The following CATSPERT variants were observed in gnomAD, a reference collection of about 807,000 sequenced individuals.
The protein encoded by CATSPERT is cation channel sperm-associated targeting subunit tau.
At chr2:201,541,563 AT>A in the CATSPERT span, among the ~76,000 whole-genome samples, 4 of 105,470 alleles carry the variant, frequency 3.8e-5, no homozygotes, top group African/African-American at 7.3e-5. Context: ...ATATATATAT[AT>A]ATATATATAT....
At chr2:201,494,371 G>A in the CATSPERT span, 22 of 1,536,934 alleles carry the variant, frequency 1.4e-5, no homozygotes, top group Admixed American at 1.2e-4. Flanking sequence ...TAAAGACTTC[G>A]AGAGGTGACA....
chr2:201,545,629 C>CAAAAAAAGA, the CATSPERT span: 1 of 143,208 alleles, frequency 7.0e-6, no homozygotes, highest in African/African-American at 5.7e-5. Flanking sequence ...TTCCTAGAAG[C>CAAAAAAAGA]AAAAAAAAAA....
the CATSPERT span, among the ~76,000 whole-genome samples, chr2:201,605,687 A>C: frequency 6.6e-6 from 1 of 152,230 alleles, no homozygotes; most frequent in Admixed American, 6.5e-5. Context: ...AGAAATCTTC[A>C]GATGACAAAA....
At chr2:201,589,564 G>A in the CATSPERT span, among the ~76,000 whole-genome samples, 1 of 152,132 alleles carries the variant, frequency 6.6e-6, no homozygotes, top group Non-Finnish European at 1.5e-5. Context: ...GCAGAAGATT[G>A]AAACTGGACC....
At chr2:201,581,591 T>TATATATATATATAC in the CATSPERT span, among the ~76,000 whole-genome samples, 5 of 45,320 alleles carry the variant, frequency 1.1e-4, no homozygotes, top group Non-Finnish European at 2.0e-4. Context: ...TATATATATA[T>TATATATATATATAC]ATACACATAC....
chr2:201,492,291 AT>A, the CATSPERT span: 14 of 1,534,360 alleles, frequency 9.1e-6, no homozygotes, highest in Non-Finnish European at 1.0e-5. Context: ...GCAAATTTAT[AT>A]GCTGGTTGAT....
chr2:201,542,241 G>A, the CATSPERT span, among the ~76,000 whole-genome samples: 1 of 151,984 alleles, frequency 6.6e-6, no homozygotes, highest in Non-Finnish European at 1.5e-5. Flanking sequence ...TCTGAATTAT[G>A]TGTGTATACC....
the CATSPERT span, among the ~76,000 whole-genome samples, chr2:201,489,554 C>G: frequency 3.5e-4 from 54 of 152,130 alleles, no homozygotes; most frequent in African/African-American, 1.3e-3. Flanking sequence ...TAATATATAG[C>G]TATATAATAT....
At chr2:201,514,638 A>G in the CATSPERT span, among the ~76,000 whole-genome samples, 1 of 152,236 alleles carries the variant, frequency 6.6e-6, no homozygotes, top group Non-Finnish European at 1.5e-5. Context: ...ATTACACAAA[A>G]ATACACATTT....
At chr2:201,539,560 G>GTT in the CATSPERT span, among the ~76,000 whole-genome samples, 66 of 113,484 alleles carry the variant, frequency 5.8e-4, 1 homozygote, top group South Asian at 2.4e-3. Flanking sequence ...TAACGAGGTT[G>GTT]TTTTTTTTTT....
At chr2:201,604,575 A>T in the CATSPERT span, 1 of 1,321,510 alleles carries the variant, frequency 7.6e-7, no homozygotes, top group Non-Finnish European at 1.0e-6. Flanking sequence ...AATAATAAAT[A>T]ACTTATACAG....
the CATSPERT span, among the ~76,000 whole-genome samples, chr2:201,513,184 C>G: frequency 6.6e-6 from 1 of 151,710 alleles, no homozygotes; most frequent in African/African-American, 2.4e-5. Flanking sequence ...TCACAAACTA[C>G]GAGTCTGACA....
the CATSPERT span, among the ~76,000 whole-genome samples, chr2:201,566,486 C>G: frequency 3.3e-5 from 5 of 151,604 alleles, no homozygotes; most frequent in African/African-American, 9.7e-5. Context: ...ATAGTTTGCT[C>G]AGAATGAAGG....
chr2:201,557,270 A>G, the CATSPERT span: 1 of 152,336 alleles, frequency 6.6e-6, no homozygotes, highest in African/African-American at 2.4e-5. Flanking sequence ...GTTACTGCCA[A>G]CAACCTCTGA....
At chr2:201,586,837 T>G in the CATSPERT span, among the ~76,000 whole-genome samples, 4 of 152,158 alleles carry the variant, frequency 2.6e-5, no homozygotes, top group Admixed American at 2.0e-4. Context: ...CTGTTGTAAA[T>G]ACCTCATTTA....
the CATSPERT span, among the ~76,000 whole-genome samples, chr2:201,611,940 T>G: frequency 3.2e-3 from 480 of 152,318 alleles, no homozygotes; most frequent in Middle Eastern, 6.8e-3. Context: ...GCAGACAGGA[T>G]GCAGATTTGC....
the CATSPERT span, among the ~76,000 whole-genome samples, chr2:201,616,493 G>A: frequency 1.3e-5 from 2 of 152,140 alleles, no homozygotes; most frequent in Admixed American, 1.3e-4. Flanking sequence ...AAAGGCCTTT[G>A]ACAAAATTCA....
At chr2:201,575,584 A>T in the CATSPERT span, among the ~76,000 whole-genome samples, 1 of 152,136 alleles carries the variant, frequency 6.6e-6, no homozygotes, top group Non-Finnish European at 1.5e-5. Context: ...GATTCTCATC[A>T]GAGCACAAAA....
chr2:201,570,812 T>C, the CATSPERT span, among the ~76,000 whole-genome samples: 1 of 152,296 alleles, frequency 6.6e-6, no homozygotes, highest in East Asian at 1.9e-4. Flanking sequence ...CTGTGCTCTA[T>C]CAAGAGAATG....
Sources: allele counts gnomAD v4.1 joint callset (sites outside exome capture counted in the v4.1 genomes callset), GRCh38; gene constraint gnomAD v4.1.1; transcripts MANE v1.5; gene names NCBI Gene and HGNC (gene_info 2026-07-23, HGNC 2026-07-21).